The following INPP4B variants were observed in gnomAD, a reference collection of about 807,000 sequenced individuals.
INPP4B encodes inositol polyphosphate 4-phosphatase type II.
A neutral mutation model predicts 122.5 loss-of-function variants in INPP4B; 55 were observed. The observed-to-expected ratio is 0.45, with a 90% CI of 0.36 to 0.56. The LOEUF (loss-of-function observed/expected upper bound fraction) is 0.56, where lower values mean the gene tolerates loss of function less well. Ranked by LOEUF, INPP4B falls within the 20% of genes least tolerant of loss-of-function variation. The probability of loss-of-function intolerance (pLI) is 0.00; values close to 1 mark genes in which losing one functional copy is unlikely to be tolerated. For synonymous variants in INPP4B, 403 were observed against 388.7 expected (o/e 1.04, Z -0.43); for missense variants, 1,000 against 1,097.7 (o/e 0.91, Z 1.26).
intron 25 of INPP4B, among the ~76,000 whole-genome samples, chr4:142,065,638 T>C (rs954437882): frequency 1.3e-5 from 2 of 152,182 alleles, no homozygotes; most frequent in African/African-American, 4.8e-5. Flanking sequence ...ATATGCAATG[T>C]CCAGATGAGG....
chr4:142,492,338 G>A (rs970494586), intron 2 of INPP4B, among the ~76,000 whole-genome samples: 23 of 152,084 alleles, frequency 1.5e-4, no homozygotes, highest in Non-Finnish European at 3.4e-4. Context: ...ATGTGGAAGC[G>A]ACTTTGGAAC....
chr4:142,836,430 G>A (rs75578396), intron 1 of INPP4B, among the ~76,000 whole-genome samples: 3,248 of 152,026 alleles, frequency 0.021, 109 homozygotes, highest in African/African-American at 0.074. Flanking sequence ...GTGTGTGTGC[G>A]CGCGTGTGTG....
intron 1 of INPP4B, among the ~76,000 whole-genome samples, chr4:142,835,956 A>G (rs1020422340): frequency 6.6e-6 from 1 of 152,190 alleles, no homozygotes. Flanking sequence ...GCTATGGGGC[A>G]TAGGGTATGG....
intron 20 of INPP4B, 30 bp downstream of exon 20, chr4:142,123,262 G>A (rs201860152): frequency 3.2e-5 from 49 of 1,513,108 alleles, no homozygotes; most frequent in Non-Finnish European, 4.1e-5. Flanking sequence ...ATAGAAATGT[G>A]ATTTTAACTT....
intron 16 of INPP4B, 132 bp downstream of exon 16, chr4:142,173,500 T>C: frequency 1.4e-6 from 1 of 699,148 alleles, no homozygotes; most frequent in South Asian, 2.1e-5. Context: ...GTGGCAATAC[T>C]TTGAAGCTTA....
intron 1 of INPP4B, among the ~76,000 whole-genome samples, chr4:142,772,958 A>C (rs1773315072): frequency 6.6e-6 from 1 of 152,154 alleles, no homozygotes; most frequent in African/African-American, 2.4e-5. Context: ...AGTCACTAGA[A>C]TTGCTTGAAC....
At chr4:142,692,957 A>T (rs911361225) in intron 2 of INPP4B, among the ~76,000 whole-genome samples, 1 of 151,838 alleles carries the variant, frequency 6.6e-6, no homozygotes, top group African/African-American at 2.4e-5. Context: ...ATAGATAGAG[A>T]TAGACAGACA....
intron 7 of INPP4B, among the ~76,000 whole-genome samples, chr4:142,358,263 A>C (rs927647158): frequency 6.6e-6 from 1 of 151,992 alleles, no homozygotes; most frequent in African/African-American, 2.4e-5. Flanking sequence ...AAAAATACAT[A>C]GGCTTTATTC....
At chr4:142,530,788 C>T (rs1827515817) in intron 2 of INPP4B, among the ~76,000 whole-genome samples, 1 of 151,882 alleles carries the variant, frequency 6.6e-6, no homozygotes, top group African/African-American at 2.4e-5. Context: ...AAAACAGCAA[C>T]TGAAGAGGCC....
In INPP4B at chr4:142,237,823, T is replaced by A. The variant is rs193210635; in HGVS notation, c.836+41A>T. Reference sequence around the variant, plus strand: ...GTCAATTAAAAATTTTTAAATGGTATAAAATAATTAATATGAGAGAAAATA... The same window carrying A: ...GTCAATTAAAAATTTTTAAATGGTAAAAAATAATTAATATGAGAGAAAATA... On this transcript the variant is annotated intron_variant, in intron 12 of 25. Transcript: ENST00000262992. 6 of 1,243,810 alleles carry A rather than the reference T, an allele frequency of 4.8e-6. No homozygotes were observed. The Admixed American group carries it at 8.6e-5, about 18-fold the overall frequency. The allele number at this position is 1,243,810 out of a possible 1,614,324, so 77.0% of individuals were successfully genotyped here.
At chr4:142,220,349 A>G (rs1233792027) in intron 12 of INPP4B, among the ~76,000 whole-genome samples, 1 of 152,236 alleles carries the variant, frequency 6.6e-6, no homozygotes, top group Non-Finnish European at 1.5e-5. Flanking sequence ...CATTGGACAG[A>G]CAGTCTTGGC....
chr4:142,819,908 CT>C (rs1780593924), intron 1 of INPP4B, among the ~76,000 whole-genome samples: 1 of 152,030 alleles, frequency 6.6e-6, no homozygotes, highest in Non-Finnish European at 1.5e-5. Flanking sequence ...CTTCTCAGTC[CT>C]ACAGTGAATC....
chr4:142,238,797 T>G (rs1857810330), intron 11 of INPP4B, among the ~76,000 whole-genome samples: 2 of 152,128 alleles, frequency 1.3e-5, no homozygotes, highest in Non-Finnish European at 2.9e-5. Context: ...TGATACTTAT[T>G]AGTGAAGCCA....
chr4:142,074,560 G>A (rs1769425871), intron 25 of INPP4B, among the ~76,000 whole-genome samples: 1 of 151,996 alleles, frequency 6.6e-6, no homozygotes, highest in Non-Finnish European at 1.5e-5. Flanking sequence ...TTATATACAT[G>A]GATATACATG....
intron 2 of INPP4B, among the ~76,000 whole-genome samples, chr4:142,718,604 T>C (rs1764117217): frequency 1.3e-5 from 2 of 152,200 alleles, no homozygotes; most frequent in Admixed American, 1.3e-4. Flanking sequence ...CACTTTCTCA[T>C]GGCATAGGTA....
intron 2 of INPP4B, among the ~76,000 whole-genome samples, chr4:142,720,893 C>CGT (rs35250436): frequency 0.071 from 7,854 of 111,112 alleles, 324 homozygotes; most frequent in African/African-American, 0.11. Flanking sequence ...GAGTGCATCT[C>CGT]GTGTGTGTGT....
At chr4:142,106,871 AT>A (rs1787396757) in intron 23 of INPP4B, among the ~76,000 whole-genome samples, 1 of 152,146 alleles carries the variant, frequency 6.6e-6, no homozygotes, top group Non-Finnish European at 1.5e-5. Context: ...AAGAAATATA[AT>A]TTTTATCAAG....
chr4:142,846,379 A>C (rs1366448215), upstream of INPP4B: 1 of 152,368 alleles, frequency 6.6e-6, no homozygotes, highest in African/African-American at 2.4e-5. This position sits in a 1 kb window ranked among gnomAD's most constrained non-coding sequence, Gnocchi z 5.1. Flanking sequence ...GGAAACTAGC[A>C]GGCGGCGGCG....
chr4:142,163,618 A>T (rs1821213810), intron 16 of INPP4B, among the ~76,000 whole-genome samples: 1 of 151,874 alleles, frequency 6.6e-6, no homozygotes. Flanking sequence ...AGCTCATGTT[A>T]GTCTCTTACT....
Sources: gnomAD v4.1 joint callset for allele counts (sites outside exome capture counted in the v4.1 genomes callset) on GRCh38, gnomAD v4.1.1 for gene constraint, Gnocchi (gnomAD v3.1) non-coding constraint, MANE v1.5 for transcripts, NCBI Gene and HGNC (gene_info 2026-07-23, HGNC 2026-07-21) for gene names.